Variants in BMP2K observed in about 807,000 individuals in gnomAD.
The protein encoded by BMP2K is BMP2 inducible kinase.
A neutral mutation model predicts 116.0 loss-of-function variants in BMP2K; 74 were observed. That is an observed-to-expected ratio of 0.64 (90% confidence interval 0.53 to 0.77). The LOEUF (loss-of-function observed/expected upper bound fraction) is 0.77, where lower values mean the gene tolerates loss of function less well. BMP2K is among the 30% of genes least tolerant of loss of function. The probability of loss-of-function intolerance (pLI) is 0.00; values close to 1 mark genes in which losing one functional copy is unlikely to be tolerated. For missense variants in BMP2K, 1,365 were observed against 1,403.6 expected, an observed-to-expected ratio of 0.97 and a Z score of 0.44; for synonymous variants, 486 against 502.5, an observed-to-expected ratio of 0.97 and a Z score of 0.44.
intron 15 of BMP2K, among the ~76,000 whole-genome samples, chr4:78,896,724 T>C (rs1733723146): frequency 6.6e-6 from 1 of 152,260 alleles, no homozygotes; most frequent in Non-Finnish European, 1.5e-5. Flanking sequence ...ATTTCTAATA[T>C]TTAAACTGTT....
intron 15 of BMP2K, among the ~76,000 whole-genome samples, chr4:78,900,946 G>A (rs565466791): frequency 1.4e-4 from 21 of 146,600 alleles, no homozygotes; most frequent in African/African-American, 5.7e-4. Flanking sequence ...TTAGTAGTGT[G>A]GTTTATCAAA....
chr4:78,907,335 G>T (rs1412721711), intron 15 of BMP2K, among the ~76,000 whole-genome samples: 1 of 152,140 alleles, frequency 6.6e-6, no homozygotes, highest in Non-Finnish European at 1.5e-5. Context: ...GAAAAGTAAT[G>T]GTAGCCAGTT....
At chr4:78,906,296 G>T (rs1346299771) in intron 15 of BMP2K, 5 of 152,132 alleles carry the variant, frequency 3.3e-5, no homozygotes, top group Non-Finnish European at 2.9e-5. Flanking sequence ...AGTGTGGGTT[G>T]CAAGAATATG....
chr4:78,788,256 G>C (rs3775522), intron 1 of BMP2K, among the ~76,000 whole-genome samples: 29,189 of 151,848 alleles, frequency 0.19, 6,067 homozygotes, highest in African/African-American at 0.52. Flanking sequence ...TGAAATATTT[G>C]TTCAGAGGTT....
At chr4:78,810,260 A>G (rs1222531494) in intron 1 of BMP2K, among the ~76,000 whole-genome samples, 1 of 152,198 alleles carries the variant, frequency 6.6e-6, no homozygotes, top group Non-Finnish European at 1.5e-5. Context: ...GCAGAGCCTT[A>G]AAGACATCCA....
Position 78,776,594 on chromosome 4 carries a change from A to AGCGGCGGGTGGCGGG in BMP2K, c.54_68dup (p.Ala19_Ala23dup). ...AGTCGGAGGGCGGCAGCGGCGGCGG[A>AGCGGCGGGTGGCGGG]GCGGCGGGTGGCGGGGCTGGCGGGG... On this transcript the variant is annotated inframe_insertion, in exon 1 of 16. Coordinates refer to ENST00000502613, the MANE Select transcript of BMP2K (RefSeq NM_198892.2). 8.5e-7 allele frequency: 1 copy of AGCGGCGGGTGGCGGG among 1,170,624 alleles called. No individual in the cohort carries two copies. Among genetic ancestry groups the AGCGGCGGGTGGCGGG allele is most frequent in the African/African-American group, 1.6e-5 (1 of 61,368 alleles). 72.5% of individuals were successfully genotyped at this position (1,170,624 alleles called of 1,614,324 possible). A position where few individuals can be genotyped will look rare whatever the true frequency, so the allele number is the denominator to read the frequency against.
chr4:78,892,654 C>T (rs1204358395), intron 15 of BMP2K, among the ~76,000 whole-genome samples: 1 of 152,174 alleles, frequency 6.6e-6, no homozygotes, highest in Non-Finnish European at 1.5e-5. Context: ...GGAGATACTG[C>T]AGGTTCCATT....
chr4:78,794,836 T>A (rs1376062134), intron 1 of BMP2K, among the ~76,000 whole-genome samples: 1 of 152,200 alleles, frequency 6.6e-6, no homozygotes, highest in Admixed American at 6.5e-5. Context: ...GTGCTGAGAT[T>A]ACAGGTGTGA....
chr4:78,870,752 T>A (rs1258713314), intron 10 of BMP2K, 31 bp from the exon 11 acceptor site: 3 of 1,579,534 alleles, frequency 1.9e-6, no homozygotes, highest in Non-Finnish European at 2.6e-6. Context: ...ATCATTAGTA[T>A]GTTAATGTAA....
intron 2 of BMP2K, among the ~76,000 whole-genome samples, chr4:78,827,443 C>G (rs1287101748): frequency 1.3e-5 from 2 of 152,144 alleles, no homozygotes; most frequent in Non-Finnish European, 2.9e-5. Context: ...GTCTGTCTTG[C>G]TGACACTTAG....
At chr4:78,833,512 T>G (rs1298339619) in intron 2 of BMP2K, 70 bp from the exon 3 acceptor site, 10 of 1,039,554 alleles carry the variant, frequency 9.6e-6, no homozygotes, top group Non-Finnish European at 1.4e-5. Flanking sequence ...TAATTTAGGC[T>G]TCAAACCATT....
At chr4:78,861,240 T>TTG in intron 8 of BMP2K, 149 bp from the exon 9 acceptor site, 3 of 534,784 alleles carry the variant, frequency 5.6e-6, no homozygotes, top group Non-Finnish European at 9.9e-6. Context: ...ATCTGGCAAA[T>TTG]ACATGTGAAT....
chr4:78,910,706 A>T lies in BMP2K; in HGVS notation c.2159A>T (p.Asp720Val). The T allele has an allele frequency of 6.2e-7, 1 of 1,613,142 alleles. No individual in the cohort carries two copies. Among genetic ancestry groups the T allele is most frequent in the Non-Finnish European group, 8.5e-7 (1 of 1,179,672 alleles). The change falls in exon 16 of 16, where the codon GAT becomes GTT. Residue 720 changes from aspartate (D) to valine (V), a missense_variant. Asp to Val is a radical substitution (Grantham distance 152). This residue lies in a region of BMP2K where 596 missense variants were observed against 623.2 expected (regional missense o/e 0.96). Coordinates refer to ENST00000502613, the MANE Select transcript of BMP2K (RefSeq NM_198892.2). ...KNGKTSPASK[D>V]QRTGKKTSVQ... ...GGTAAAACAAGTCCAGCATCTAAAG[A>T]TCAGCGGACTGGAAAGAAAACCTCA...
intron 15 of BMP2K, among the ~76,000 whole-genome samples, chr4:78,904,394 C>T (rs1001575840): frequency 1.3e-5 from 2 of 151,896 alleles, no homozygotes; most frequent in Non-Finnish European, 2.9e-5. Flanking sequence ...ATTTCTGATT[C>T]AAGTACCATT....
chr4:78,840,313 G>A lies in BMP2K; in HGVS notation c.404-2072G>A, dbSNP rs141694227. Among the ~76,000 whole-genome samples the A allele has an allele frequency of 2.1e-3, 322 of 152,020 alleles. 5 individuals carry two copies. Among genetic ancestry groups the A allele is most frequent in the African/African-American group, 7.3e-3 (303 of 41,514 alleles). ...TTTATTTATTTATTTTTTTGCAGTT[G>A]CAAGATTTAATAGAGTGAAAACAGA... On this transcript the variant is annotated intron_variant, in intron 3 of 15. Coordinates refer to ENST00000502613, the MANE Select transcript of BMP2K (RefSeq NM_198892.2).
intron 15 of BMP2K, among the ~76,000 whole-genome samples, chr4:78,889,490 G>T (rs558264275): frequency 6.6e-6 from 1 of 152,188 alleles, no homozygotes; most frequent in Admixed American, 6.5e-5. Context: ...TTATTATAAA[G>T]CTTTGAAATA....
intron 1 of BMP2K, among the ~76,000 whole-genome samples, chr4:78,794,460 T>C (rs1169219289): frequency 6.6e-6 from 1 of 152,184 alleles, no homozygotes; most frequent in African/African-American, 2.4e-5. Flanking sequence ...TACTAGTACA[T>C]TGGAGATTCA....
rs762094478 is a variant in BMP2K at position 78,870,777 on chromosome 4, C to G, written c.1232-6C>G. 72 of 1,612,226 alleles carry G rather than the reference C, an allele frequency of 4.5e-5. No homozygotes were observed. Among genetic ancestry groups the G allele is most frequent in the Non-Finnish European group, 5.8e-5 (68 of 1,178,808 alleles). ...TGTTAATGTAAGTGTTTGGACCTGTCTTTAGGGGCACTAAGACCTGGAAAT... is the reference window on the plus strand; with the variant it reads ...TGTTAATGTAAGTGTTTGGACCTGTGTTTAGGGGCACTAAGACCTGGAAAT... On this transcript the variant is annotated splice_region_variant and splice_polypyrimidine_tract_variant and intron_variant, in intron 10 of 15. Transcript: ENST00000502613.
chr4:78,788,886 A>G (rs1314260494), intron 1 of BMP2K, among the ~76,000 whole-genome samples: 3 of 149,248 alleles, frequency 2.0e-5, no homozygotes, highest in Admixed American at 6.6e-5. Context: ...TCATCTTAGA[A>G]TAGTGGCTGT....
Sources: allele counts gnomAD v4.1 joint callset (sites outside exome capture counted in the v4.1 genomes callset), GRCh38; gene constraint gnomAD v4.1.1; regional missense constraint gnomAD v4.1.1; transcripts MANE v1.5; gene names NCBI Gene and HGNC (gene_info 2026-07-23, HGNC 2026-07-21).